The following STARD3 variants were observed in gnomAD, a reference collection of about 807,000 sequenced individuals.
The protein encoded by STARD3 is StAR related lipid transfer domain containing 3, also known as stAR-related lipid transfer protein 3.
STARD3 carries 39 observed loss-of-function variants against 62.0 expected under a neutral mutation model. The observed-to-expected ratio is 0.63, with a 90% CI of 0.49 to 0.82. STARD3 has a LOEUF of 0.82. Ranked by LOEUF, STARD3 falls within the 40% of genes least tolerant of loss-of-function variation. The probability of loss-of-function intolerance (pLI) is 0.00; values close to 1 mark genes in which losing one functional copy is unlikely to be tolerated. For missense variants in STARD3, 543 were observed against 584.5 expected (o/e 0.93, Z 0.73); for synonymous variants, 229 against 242.4 (o/e 0.94, Z 0.51).
At chr17:39,646,829 C>T (rs991599451) in intron 1 of STARD3, among the ~76,000 whole-genome samples, 2 of 152,126 alleles carry the variant, frequency 1.3e-5, no homozygotes, top group South Asian at 4.1e-4. Flanking sequence ...CTTCCCTTTG[C>T]CTCATGAATA....
intron 2 of STARD3, among the ~76,000 whole-genome samples, chr17:39,654,228 C>G (rs2057105696): frequency 6.6e-6 from 1 of 152,104 alleles, no homozygotes; most frequent in Non-Finnish European, 1.5e-5. Flanking sequence ...CTGCTGTGTC[C>G]CAACCACTGT....
intron 1 of STARD3, 34 bp from the exon 2 acceptor site, chr17:39,653,447 G>T: frequency 6.9e-7 from 1 of 1,440,056 alleles, no homozygotes; most frequent in South Asian, 1.3e-5. Context: ...GACAGGAGGA[G>T]TTTGACAGGA....
At chr17:39,648,272 G>A (rs980180541) in intron 1 of STARD3, among the ~76,000 whole-genome samples, 1 of 152,112 alleles carries the variant, frequency 6.6e-6, no homozygotes, top group Non-Finnish European at 1.5e-5. Flanking sequence ...GGGCGACAGA[G>A]TGAGACTCCG....
intron 2 of STARD3, chr17:39,656,748 C>T (rs1380164552): frequency 1.4e-5 from 7 of 484,348 alleles, no homozygotes; most frequent in East Asian, 3.7e-5. Flanking sequence ...CAAGCCTGCC[C>T]CTTCCTGGGC....
At chr17:39,646,688 A>G (rs528876573) in intron 1 of STARD3, among the ~76,000 whole-genome samples, 24 of 152,240 alleles carry the variant, frequency 1.6e-4, no homozygotes, top group African/African-American at 5.3e-4. Flanking sequence ...TTTCCATGAT[A>G]CCAGCCACCT....
At chr17:39,647,227 C>T (rs1224660718) in intron 1 of STARD3, among the ~76,000 whole-genome samples, 2 of 151,454 alleles carry the variant, frequency 1.3e-5, no homozygotes, top group Non-Finnish European at 2.9e-5. Flanking sequence ...AAACCCTCCA[C>T]TTTCCCCCCT....
chr17:39,641,942 C>T (rs565066201), intron 1 of STARD3, among the ~76,000 whole-genome samples: 3 of 152,144 alleles, frequency 2.0e-5, no homozygotes, highest in South Asian at 4.2e-4. Flanking sequence ...CAGATGGCCT[C>T]GAGACATCTA....
intron 2 of STARD3, among the ~76,000 whole-genome samples, chr17:39,654,923 C>G (rs1442193987): frequency 6.6e-6 from 1 of 152,216 alleles, no homozygotes; most frequent in African/African-American, 2.4e-5. Flanking sequence ...CTGAGGGTGA[C>G]TGTCGATTGT....
At position 39,660,384 on chromosome 17, in the gene STARD3, G is replaced by A; in HGVS notation, c.859-47G>A. The A allele has an allele frequency of 6.2e-7, 1 of 1,611,936 alleles. No homozygotes were observed. Among genetic ancestry groups the A allele is most frequent in the Non-Finnish European group, 8.5e-7 (1 of 1,178,806 alleles). ...CCCACCAAGAGGGAAGGGTTGGTCT[G>A]CCCGAGCCCATCTGGCACCACCCAG... is the stretch of plus-strand genomic sequence containing the variant. On this transcript the variant is annotated intron_variant, in intron 10 of 14. Coordinates refer to ENST00000336308, the MANE Select transcript of STARD3 (RefSeq NM_006804.4). The surrounding 1 kb of genome is among the most constrained non-coding windows in gnomAD (Gnocchi z 4.8).
chr17:39,650,295 G>A (rs1335755468), intron 1 of STARD3, among the ~76,000 whole-genome samples: 1 of 152,194 alleles, frequency 6.6e-6, no homozygotes, highest in Non-Finnish European at 1.5e-5. Context: ...AGACCGGTCG[G>A]CGTTTGTGGC....
intron 13 of STARD3, chr17:39,661,445 C>T: frequency 3.9e-6 from 1 of 255,064 alleles, no homozygotes; most frequent in Non-Finnish European, 7.6e-6. Context: ...GTTTCATCTT[C>T]CTGCCTAAGG....
At chr17:39,661,498 C>T (rs958399825) in intron 13 of STARD3, among the ~76,000 whole-genome samples, 2 of 152,188 alleles carry the variant, frequency 1.3e-5, no homozygotes, top group Admixed American at 6.5e-5. Flanking sequence ...GTCCTCACTC[C>T]GTCATCTTTC....
intron 2 of STARD3, among the ~76,000 whole-genome samples, chr17:39,654,065 A>C (rs1299934966): frequency 6.6e-6 from 1 of 151,998 alleles, no homozygotes; most frequent in Non-Finnish European, 1.5e-5. Flanking sequence ...CCGAGAGAGG[A>C]GGAGGGGGAG....
At chr17:39,643,463 A>G (rs1397275329) in intron 1 of STARD3, among the ~76,000 whole-genome samples, 1 of 152,122 alleles carries the variant, frequency 6.6e-6, no homozygotes, top group Non-Finnish European at 1.5e-5. Flanking sequence ...GTGATGCATT[A>G]AGGAGATGGT....
rs571423936 is a variant in STARD3 at position 39,663,810 on chromosome 17, G to A, written c.*902G>A. 2.1e-4 allele frequency among the ~76,000 whole-genome samples: 32 copies of A among 152,322 alleles called. No individual in the cohort carries two copies. In the South Asian group the frequency reaches 6.0e-3, roughly 29 times the overall value. ...GCAGTGCCCACAGCAAGCCTTGACTGTGTGGCCTGGAGATGGGGCCTGAGC... is the reference window on the plus strand; with the variant it reads ...GCAGTGCCCACAGCAAGCCTTGACTATGTGGCCTGGAGATGGGGCCTGAGC... On this transcript the variant is annotated 3_prime_UTR_variant, in exon 15 of 15. Transcript: ENST00000336308.
intron 1 of STARD3, among the ~76,000 whole-genome samples, chr17:39,646,037 G>A (rs2057023602): frequency 1.3e-5 from 2 of 151,062 alleles, no homozygotes; most frequent in African/African-American, 2.4e-5. Flanking sequence ...GACTACAGGT[G>A]CACACCACCA....
chr17:39,657,704 G>A (rs2145014404), intron 3 of STARD3, 71 bp from the exon 4 acceptor site: 1 of 1,561,734 alleles, frequency 6.4e-7, no homozygotes, highest in East Asian at 2.2e-5. Context: ...CAGGACCAGA[G>A]GGGAGGTCAG....
Position 39,663,690 on chromosome 17 carries a change from C to G in STARD3, c.*782C>G, listed in dbSNP as rs930458808. On this transcript the variant is annotated 3_prime_UTR_variant, in exon 15 of 15. Transcript: ENST00000336308. ...CTGACCAGTTCAACTGAGCAGATGACTGGTCAGAAAAAAATGCCCCGCCCC... is the reference window on the plus strand; with the variant it reads ...CTGACCAGTTCAACTGAGCAGATGAGTGGTCAGAAAAAAATGCCCCGCCCC... Among the ~76,000 whole-genome samples, 2 of 134,498 alleles carry G rather than the reference C, an allele frequency of 1.5e-5. No individual in the cohort carries two copies. Among genetic ancestry groups the G allele is most frequent in the South Asian group, 5.1e-4 (2 of 3,910 alleles). 88.2% of individuals were successfully genotyped at this position (134,498 alleles called of 152,430 possible).
At chr17:39,658,168 T>A in intron 5 of STARD3, 142 bp downstream of exon 5, 1 of 1,015,122 alleles carries the variant, frequency 9.9e-7, no homozygotes, top group Non-Finnish European at 1.5e-6. Context: ...TTGGTATCTA[T>A]AAGGAATCAT....
Sources: allele counts gnomAD v4.1 joint callset (sites outside exome capture counted in the v4.1 genomes callset), GRCh38; gene constraint gnomAD v4.1.1; non-coding constraint Gnocchi (gnomAD v3.1); transcripts MANE v1.5; gene names NCBI Gene and HGNC (gene_info 2026-07-23, HGNC 2026-07-21).